Variants in DTHD1 observed in about 807,000 individuals in gnomAD.
DTHD1 encodes death domain-containing protein 1.
In DTHD1, 59 loss-of-function variants were observed where a neutral mutation model predicts 74.8. That is an observed-to-expected ratio of 0.79 (90% confidence interval 0.64 to 0.98). The LOEUF is 0.98. DTHD1 is among the 50% of genes least tolerant of loss of function. The pLI is 0.00. For synonymous variants in DTHD1, 365 were observed against 371.1 expected, an observed-to-expected ratio of 0.98 and a Z score of 0.19; for missense variants, 1,051 against 1,065.4, an observed-to-expected ratio of 0.99 and a Z score of 0.19.
chr4:36,284,105 A>G lies in DTHD1; in HGVS notation c.401A>G (p.Gln134Arg). The change falls in exon 2 of 10, where the codon CAG (glutamine) becomes CGG (arginine). Residue 134 changes from glutamine (Q) to arginine (R), a missense_variant. Gln to Arg is a conservative substitution (Grantham distance 43, BLOSUM62 1). Transcript: ENST00000639862. ...CGMHDECTPQ[Q>R]TMSSIQDTKA... is the part of the protein sequence containing the mutation. The stretch of plus-strand genomic sequence containing the variant: ...ATGCATGATGAATGTACTCCACAGC[A>G]GACAATGTCCTCCATTCAAGATACC... 1 of 1,537,240 alleles carries G rather than the reference A, an allele frequency of 6.5e-7. No individual in the cohort carries two copies. Among genetic ancestry groups the G allele is most frequent in the Middle Eastern group, 1.7e-4 (1 of 5,990 alleles).
At position 36,343,945 on chromosome 4, in the gene DTHD1, C is replaced by G. The variant is rs570142517; in HGVS notation, c.*121C>G. 1.0e-6 allele frequency: 1 copy of G among 970,024 alleles called. No homozygotes were observed. Among genetic ancestry groups the G allele is most frequent in the African/African-American group, 1.7e-5 (1 of 60,594 alleles). 60.1% of individuals were successfully genotyped at this position (970,024 alleles called of 1,614,324 possible). A position where few individuals can be genotyped will look rare whatever the true frequency, so the allele number is the denominator to read the frequency against. ...TGAAGTCAGTCTATTTAATGATGTG[C>G]TATTTAATGATGTGAGACAAAGGGA... is the stretch of plus-strand genomic sequence containing the variant. On this transcript the variant is annotated 3_prime_UTR_variant, in exon 10 of 10. Transcript: ENST00000639862.
chr4:36,306,246 T>C lies in DTHD1; in HGVS notation c.1699T>C (p.Leu567=). 1 of 1,551,860 alleles carries C rather than the reference T, an allele frequency of 6.4e-7. No individual in the cohort carries two copies. Residue 567 remains leucine (L), a synonymous_variant, in exon 6 of 10, where the codon TTA becomes CTA. Transcript: ENST00000639862. ...PRKNASECLK[L]LGFRSQDSGW... ...GAAAAATGCCAGTGAATGTTTGAAA[T>C]TACTGGGATTCAGAAGCCAAGACAG...
At chr4:36,318,263 TAGTC>T (rs1259293551) in intron 8 of DTHD1, among the ~76,000 whole-genome samples, 1 of 152,326 alleles carries the variant, frequency 6.6e-6, no homozygotes, top group East Asian at 1.9e-4. Flanking sequence ...CTAGGATTAT[TAGTC>T]AAAGATACAA....
chr4:36,302,729 T>G (rs1756847966), intron 5 of DTHD1, among the ~76,000 whole-genome samples: 1 of 152,370 alleles, frequency 6.6e-6, no homozygotes, highest in African/African-American at 2.4e-5. Flanking sequence ...TTCTTCCCTT[T>G]ACTTTTCCAT....
intron 2 of DTHD1, among the ~76,000 whole-genome samples, chr4:36,285,018 T>C (rs1755618868): frequency 1.3e-5 from 2 of 152,178 alleles, no homozygotes; most frequent in African/African-American, 4.8e-5. Context: ...AGTTAGACTA[T>C]AGCAACATGC....
At chr4:36,293,396 G>T in intron 3 of DTHD1, 130 bp from the exon 4 acceptor site, 1 of 658,542 alleles carries the variant, frequency 1.5e-6, no homozygotes, top group Non-Finnish European at 2.2e-6. Flanking sequence ...TTAGGTTATT[G>T]GAATCATTTT....
At chr4:36,321,490 C>T (rs1012326383) in intron 8 of DTHD1, among the ~76,000 whole-genome samples, 1 of 152,214 alleles carries the variant, frequency 6.6e-6, no homozygotes, top group Non-Finnish European at 1.5e-5. Flanking sequence ...GCCTGATAAT[C>T]TGTCACTGTC....
At chr4:36,314,552 C>T (rs1263657071) in intron 7 of DTHD1, among the ~76,000 whole-genome samples, 1 of 151,134 alleles carries the variant, frequency 6.6e-6, no homozygotes, top group African/African-American at 2.4e-5. Flanking sequence ...CGTGGTGGCC[C>T]ACATTTATAG....
At chr4:36,295,840 T>C (rs1034827106) in intron 5 of DTHD1, among the ~76,000 whole-genome samples, 1 of 151,830 alleles carries the variant, frequency 6.6e-6, no homozygotes, top group Non-Finnish European at 1.5e-5. Flanking sequence ...CAAAATATGA[T>C]AAGGAGTCAT....
In DTHD1 at chr4:36,336,072, C is replaced by A. The variant is rs1263612031; in HGVS notation, c.2341-3040C>A. On this transcript the variant is annotated intron_variant, in intron 8 of 9. Coordinates refer to ENST00000639862, the MANE Select transcript of DTHD1 (RefSeq NM_001170700.3). ...AATTGCTTATATTTTTATACTGATG[C>A]CCTCAAGAGGCTTATAATTCAGGGA... Among the ~76,000 whole-genome samples, 3 of 152,240 alleles carry A rather than the reference C, an allele frequency of 2.0e-5. No homozygotes were observed. In the East Asian group the frequency reaches 5.8e-4, roughly 29 times the overall value.
chr4:36,306,325 C>T lies in DTHD1; in HGVS notation c.1778C>T (p.Ser593Leu), dbSNP rs765596905. The T allele has an allele frequency of 5.8e-6, 9 of 1,550,502 alleles. No individual in the cohort carries two copies. The highest frequency in any genetic ancestry group is 1.4e-5 in the African/African-American group (1 of 72,980). ...VVKTIQSGLV[S>L]VELYEHLERF... Reference sequence around the variant, plus strand: ...AAAACCATACAGAGCGGCTTGGTATCAGTTGAATTGTATGAACATTTGGAG... The same window carrying T: ...AAAACCATACAGAGCGGCTTGGTATTAGTTGAATTGTATGAACATTTGGAG... Residue 593 changes from serine (S) to leucine (L), a missense_variant, in exon 6 of 10, where the codon TCA becomes TTA. Coordinates refer to ENST00000639862, the MANE Select transcript of DTHD1 (RefSeq NM_001170700.3).
At chr4:36,328,142 C>T (rs545279089) in intron 8 of DTHD1, among the ~76,000 whole-genome samples, 2 of 152,346 alleles carry the variant, frequency 1.3e-5, no homozygotes, top group South Asian at 4.1e-4. Context: ...AACTACACTG[C>T]TTCCATGATT....
intron 7 of DTHD1, among the ~76,000 whole-genome samples, chr4:36,312,506 G>T (rs998271610): frequency 2.6e-5 from 4 of 151,976 alleles, no homozygotes; most frequent in Non-Finnish European, 5.9e-5. Flanking sequence ...AATAAAGCAG[G>T]GAAAGGATAG....
At chr4:36,309,698 A>G (rs1449054852) in intron 7 of DTHD1, among the ~76,000 whole-genome samples, 1 of 152,160 alleles carries the variant, frequency 6.6e-6, no homozygotes, top group Non-Finnish European at 1.5e-5. Context: ...TTTTATATCA[A>G]CCCAACTAAA....
intron 5 of DTHD1, among the ~76,000 whole-genome samples, chr4:36,305,625 G>A (rs1756999435): frequency 6.6e-6 from 1 of 152,124 alleles, no homozygotes; most frequent in Non-Finnish European, 1.5e-5. Flanking sequence ...CATATGATAG[G>A]TAAGAAAACA....
At chr4:36,308,862 T>C (rs1273403939) in intron 7 of DTHD1, among the ~76,000 whole-genome samples, 1 of 152,222 alleles carries the variant, frequency 6.6e-6, no homozygotes, top group Non-Finnish European at 1.5e-5. Context: ...AGTGATCATT[T>C]AAAAACATAA....
chr4:36,338,349 A>AT (rs1237891689), intron 8 of DTHD1, among the ~76,000 whole-genome samples: 1 of 152,052 alleles, frequency 6.6e-6, no homozygotes, highest in African/African-American at 2.4e-5. Flanking sequence ...TTGTTCAACT[A>AT]TTTTTCCACG....
At position 36,293,621 on chromosome 4, in the gene DTHD1, C is replaced by G; in HGVS notation, c.1314C>G (p.Leu438=). The G allele has an allele frequency of 6.5e-7, 1 of 1,549,304 alleles. No homozygotes were observed. Among genetic ancestry groups the G allele is most frequent in the Non-Finnish European group, 8.7e-7 (1 of 1,145,400 alleles). The change falls in exon 4 of 10, where the codon CTC becomes CTG. Residue 438 remains leucine, a synonymous_variant. Coordinates refer to ENST00000639862, the MANE Select transcript of DTHD1 (RefSeq NM_001170700.3). ...CGTTCACAGTAACAAAGAAAGGCCT[C>G]GCTCTTAAGTCAAGCATGGATTCCC... ...KESFTVTKKG[L]ALKSSMDSRI...
At chr4:36,287,094 T>C (rs945713387) in intron 2 of DTHD1, among the ~76,000 whole-genome samples, 3 of 152,212 alleles carry the variant, frequency 2.0e-5, no homozygotes, top group African/African-American at 4.8e-5. Flanking sequence ...CAGTGTACAC[T>C]GTACCCAATG....
Sources: gnomAD v4.1 joint callset for allele counts (sites outside exome capture counted in the v4.1 genomes callset) on GRCh38, gnomAD v4.1.1 for gene constraint, MANE v1.5 for transcripts, NCBI Gene and HGNC (gene_info 2026-07-23, HGNC 2026-07-21) for gene names.